CNTN5: variants seen among roughly 807,000 people sequenced by gnomAD.
CNTN5 encodes contactin-5.
In CNTN5, 77 loss-of-function variants were observed where a neutral mutation model predicts 129.1. The ratio of observed to expected loss-of-function variants is 0.60; its 90% CI spans 0.50 to 0.72. The LOEUF (loss-of-function observed/expected upper bound fraction) is 0.72. Among genes scored for constraint, CNTN5 ranks in the 30% least tolerant of loss-of-function variants. The probability of loss-of-function intolerance (pLI) is 0.00; values close to 1 mark genes in which losing one functional copy is unlikely to be tolerated. For synonymous variants in CNTN5, 509 were observed against 465.6 expected, an observed-to-expected ratio of 1.09 and a Z score of -1.20; for missense variants, 1,478 against 1,328.8, an observed-to-expected ratio of 1.11 and a Z score of -1.75.
intron 3 of CNTN5, among the ~76,000 whole-genome samples, chr11:99,703,369 A>T (rs1954610982): frequency 6.6e-6 from 1 of 150,398 alleles, no homozygotes; most frequent in Non-Finnish European, 1.5e-5. Flanking sequence ...GACTGAAGTG[A>T]TATATATCTT....
intron 3 of CNTN5, among the ~76,000 whole-genome samples, chr11:99,684,616 A>G (rs652707): frequency 0.43 from 64,495 of 151,646 alleles, 15,538 homozygotes; most frequent in Non-Finnish European, 0.55. Flanking sequence ...TATAAGATTG[A>G]TAAAACTTTT....
chr11:100,018,350 T>C (rs916672102), intron 9 of CNTN5, among the ~76,000 whole-genome samples: 18 of 152,016 alleles, frequency 1.2e-4, no homozygotes, highest in African/African-American at 3.4e-4. Context: ...TGATCCTGTA[T>C]GTTTTGTCAC....
chr11:99,383,203 G>A (rs576794685), intron 2 of CNTN5, among the ~76,000 whole-genome samples: 99 of 152,146 alleles, frequency 6.5e-4, no homozygotes, highest in African/African-American at 2.3e-3. Flanking sequence ...AAATGAAGTG[G>A]CTATCATTTT....
At chr11:99,828,410 T>A (rs942915199) in intron 4 of CNTN5, among the ~76,000 whole-genome samples, 1 of 152,148 alleles carries the variant, frequency 6.6e-6, no homozygotes, top group Non-Finnish European at 1.5e-5. Flanking sequence ...GTGGGGACAT[T>A]CGTGCTGTGT....
At chr11:99,280,021 T>A (rs910234248) in intron 1 of CNTN5, among the ~76,000 whole-genome samples, 2 of 151,768 alleles carry the variant, frequency 1.3e-5, no homozygotes, top group African/African-American at 2.4e-5. Context: ...ATCAGGATAT[T>A]TTTAAAGGTA....
intron 2 of CNTN5, among the ~76,000 whole-genome samples, chr11:99,384,608 C>T (rs576014356): frequency 6.6e-5 from 10 of 152,250 alleles, no homozygotes; most frequent in East Asian, 5.8e-4. Context: ...GAAAGTGTCA[C>T]GAGAAACTTC....
At chr11:99,936,993 T>G (rs1565696410) in intron 7 of CNTN5, among the ~76,000 whole-genome samples, 1 of 152,152 alleles carries the variant, frequency 6.6e-6, no homozygotes, top group Non-Finnish European at 1.5e-5. Flanking sequence ...GATGATTAAG[T>G]GTATGTAATA....
chr11:99,534,949 G>A (rs1320186263), intron 2 of CNTN5, among the ~76,000 whole-genome samples: 1 of 152,160 alleles, frequency 6.6e-6, no homozygotes, highest in African/African-American at 2.4e-5. Flanking sequence ...TGTGTTCAGA[G>A]AACTGAAAGA....
chr11:99,306,498 T>C (rs541511697), intron 1 of CNTN5, among the ~76,000 whole-genome samples: 1 of 152,250 alleles, frequency 6.6e-6, no homozygotes, highest in East Asian at 1.9e-4. Flanking sequence ...TTCAATTAGC[T>C]CACACTGTAG....
chr11:99,306,051 G>A (rs76311315), intron 1 of CNTN5, among the ~76,000 whole-genome samples: 12,292 of 151,982 alleles, frequency 0.081, 587 homozygotes, highest in Middle Eastern at 0.12. Flanking sequence ...ATACATTGAA[G>A]AACTAAAATT....
At chr11:99,924,261 C>A (rs1261923842) in intron 7 of CNTN5, among the ~76,000 whole-genome samples, 1 of 152,046 alleles carries the variant, frequency 6.6e-6, no homozygotes, top group East Asian at 1.9e-4. Context: ...ATATCCTTTG[C>A]TTACTTTTTG....
intron 1 of CNTN5, among the ~76,000 whole-genome samples, chr11:99,135,907 C>G (rs1197995527): frequency 2.6e-5 from 4 of 152,024 alleles, no homozygotes; most frequent in Non-Finnish European, 5.9e-5. Flanking sequence ...TGTTTAGCAC[C>G]ATTATACTCC....
intron 13 of CNTN5, among the ~76,000 whole-genome samples, chr11:100,077,661 A>C (rs1018724519): frequency 1.3e-5 from 2 of 151,962 alleles, no homozygotes; most frequent in Non-Finnish European, 2.9e-5. Flanking sequence ...ATCTCTACAA[A>C]AAATAAAAAA....
intron 3 of CNTN5, among the ~76,000 whole-genome samples, chr11:99,737,655 T>G (rs544522180): frequency 6.6e-6 from 1 of 152,296 alleles, no homozygotes; most frequent in Non-Finnish European, 1.5e-5. Flanking sequence ...GAATATATAT[T>G]TTCTATGAGG....
chr11:99,257,172 T>A (rs892098887), intron 1 of CNTN5, among the ~76,000 whole-genome samples: 2 of 152,116 alleles, frequency 1.3e-5, no homozygotes, highest in African/African-American at 4.8e-5. Context: ...TTATTTCCAT[T>A]CTCTATTAGA....
intron 1 of CNTN5, among the ~76,000 whole-genome samples, chr11:99,321,401 A>G (rs1357171960): frequency 6.6e-6 from 1 of 151,214 alleles, no homozygotes; most frequent in Non-Finnish European, 1.5e-5. Context: ...AATGTATTCA[A>G]TACTGTTTTT....
At chr11:99,282,059 A>T (rs1229447909) in intron 1 of CNTN5, among the ~76,000 whole-genome samples, 1 of 152,000 alleles carries the variant, frequency 6.6e-6, no homozygotes, top group Non-Finnish European at 1.5e-5. Flanking sequence ...CACAAGAATG[A>T]TTCTGAGAAA....
chr11:99,030,221 G>A (rs1017791420), intron 1 of CNTN5, among the ~76,000 whole-genome samples: 1 of 152,120 alleles, frequency 6.6e-6, no homozygotes, highest in African/African-American at 2.4e-5. Context: ...AAATGAGACT[G>A]TAGATTTAGG....
intron 13 of CNTN5, among the ~76,000 whole-genome samples, chr11:100,131,090 T>C (rs539824707): frequency 3.3e-5 from 5 of 152,026 alleles, no homozygotes; most frequent in African/African-American, 4.8e-5. Flanking sequence ...CTCGTGGCAA[T>C]GGTAAGAAAA....
Sources: allele counts gnomAD v4.1 joint callset (sites outside exome capture counted in the v4.1 genomes callset), GRCh38; gene constraint gnomAD v4.1.1; transcripts MANE v1.5; gene names NCBI Gene and HGNC (gene_info 2026-07-23, HGNC 2026-07-21).